Variants in MMP15 observed in about 807,000 individuals in gnomAD.
The protein encoded by MMP15 is matrix metalloproteinase-15.
Under a neutral mutation model 65.0 loss-of-function variants are expected in MMP15, and 36 were observed. The observed-to-expected ratio is 0.55, with a 90% confidence interval of 0.42 to 0.73. The LOEUF is 0.73. MMP15 is among the 30% of genes least tolerant of loss of function. MMP15 has a pLI of 0.00. For missense variants in MMP15, 870 were observed against 987.8 expected (o/e 0.88, Z 1.60); for synonymous variants, 428 against 410.2 (o/e 1.04, Z -0.52).
intron 1 of MMP15, among the ~76,000 whole-genome samples, chr16:58,030,118 G>T (rs41388149): frequency 2.7e-3 from 406 of 152,276 alleles, no homozygotes; most frequent in African/African-American, 9.3e-3. Context: ...CCCTGTCTTG[G>T]ACACTCCAGC....
intron 1 of MMP15, among the ~76,000 whole-genome samples, chr16:58,031,815 G>A (rs1211344859): frequency 7.0e-6 from 1 of 142,162 alleles, no homozygotes; most frequent in African/African-American, 2.6e-5. Flanking sequence ...TCTAAAGGTA[G>A]TGAGCAATCC....
chr16:58,042,457 T>G, intron 7 of MMP15, 88 bp downstream of exon 7: 2 of 1,517,732 alleles, frequency 1.3e-6, no homozygotes, highest in Non-Finnish European at 1.8e-6. Flanking sequence ...AGGTGAAGGG[T>G]TGCATTGCAT....
chr16:58,036,136 C>G (rs1273012532), intron 1 of MMP15, among the ~76,000 whole-genome samples: 1 of 152,224 alleles, frequency 6.6e-6, no homozygotes, highest in African/African-American at 2.4e-5. Flanking sequence ...TTAAGGGCTT[C>G]TCACTCTGGA....
In MMP15 at chr16:58,026,428, G is replaced by C. The variant is rs527752255; in HGVS notation, c.78G>C (p.Arg26=). The change falls in exon 1 of 10, where the codon CGG becomes CGC. Residue 26 remains arginine, a synonymous_variant. Transcript: ENST00000219271. The part of the protein sequence containing the change: ...SLLGDREEAA[R]PRLLPLLLVL... ...TCGGCGACCGGGAGGAGGCGGCGCG[G>C]CCGCGACTGCTGCCGCTGCTCCTGG... 2.8e-5 allele frequency: 41 copies of C among 1,447,942 alleles called. No individual in the cohort carries two copies. In the African/African-American group the frequency reaches 5.3e-4, roughly 19 times the overall value. The allele number at this position is 1,447,942 out of a possible 1,614,324, so 89.7% of individuals were successfully genotyped here.
In MMP15 at chr16:58,043,634, G is replaced by A. The variant is rs1316692838; in HGVS notation, c.1570+7G>A. ...TTCCTGAGCAATGACGCAGGTACCTGGCCAGCCCCTCCCAGTTTGCCCAGC... is the reference window on the plus strand; with the variant it reads ...TTCCTGAGCAATGACGCAGGTACCTAGCCAGCCCCTCCCAGTTTGCCCAGC... On this transcript the variant is annotated splice_region_variant and intron_variant, in intron 9 of 9. Coordinates refer to ENST00000219271, the MANE Select transcript of MMP15 (RefSeq NM_002428.4). 4 of 1,597,868 alleles carry A rather than the reference G, an allele frequency of 2.5e-6. No homozygotes were observed. In the South Asian group the frequency reaches 4.5e-5, roughly 18 times the overall value.
chr16:58,040,071 G>T lies in MMP15; in HGVS notation c.637G>T (p.Asp213Tyr), dbSNP rs1384594176. 1 of 1,614,150 alleles carries T rather than the reference G, an allele frequency of 6.2e-7. No homozygotes were observed. The change falls in exon 4 of 10, where the codon GAT becomes TAT. Residue 213 changes from aspartate (D) to tyrosine (Y), a missense_variant. Transcript: ENST00000219271. ...SGFHGDSSPFDGTGGFLAHAY... is the reference protein window; with the variant it reads ...SGFHGDSSPFYGTGGFLAHAY... ...CTTCCACGGCGACAGCTCGCCGTTT[G>T]ATGGCACCGGTGGCTTTCTGGCCCA...
chr16:58,038,467 C>T (rs1416780171), intron 3 of MMP15, 73 bp downstream of exon 3: 6 of 1,588,496 alleles, frequency 3.8e-6, no homozygotes, highest in African/African-American at 2.7e-5. Context: ...TTCCCAGAGC[C>T]CACCTCGGCG....
At chr16:58,034,196 A>G (rs1465241462) in intron 1 of MMP15, among the ~76,000 whole-genome samples, 1 of 152,200 alleles carries the variant, frequency 6.6e-6, no homozygotes, top group African/African-American at 2.4e-5. Flanking sequence ...TGTATTAGGG[A>G]CAGTTTTTAC....
intron 4 of MMP15, 117 bp from the exon 5 acceptor site, chr16:58,040,420 C>T (rs980824063): frequency 1.3e-5 from 17 of 1,330,766 alleles, no homozygotes; most frequent in Admixed American, 2.2e-5. Flanking sequence ...AGCTCAGCCT[C>T]TTCCAAGAGG....
rs757870060 is a variant in MMP15, at chr16:58,041,792, C to T, written c.1086C>T (p.Pro362=). The change falls in exon 6 of 10, where the codon CCC becomes CCT. Residue 362 remains proline (P), a synonymous_variant. Coordinates refer to ENST00000219271, the MANE Select transcript of MMP15 (RefSeq NM_002428.4). ...PPVQPRATER[P]DQYGPNICDG... Reference sequence around the variant, plus strand: ...TCCAGCCCCGAGCCACAGAGCGGCCCGACCAGTATGGCCCCAACATCTGCG... The same window carrying T: ...TCCAGCCCCGAGCCACAGAGCGGCCTGACCAGTATGGCCCCAACATCTGCG... 5.0e-6 allele frequency: 8 copies of T among 1,612,118 alleles called. No individual in the cohort carries two copies. In the East Asian group the frequency reaches 6.7e-5, roughly 13 times the overall value.
rs763603286 is a variant in MMP15 at position 58,039,922 on chromosome 16, C to T, written c.488C>T (p.Ala163Val). 6 of 1,610,490 alleles carry T rather than the reference C, an allele frequency of 3.7e-6. No individual in the cohort carries two copies. Among genetic ancestry groups the T allele is most frequent in the Admixed American group, 1.7e-5 (1 of 59,986 alleles). Residue 163 changes from alanine (A) to valine (V), a missense_variant, in exon 4 of 10, where the codon GCG (alanine) becomes GTG (valine). Coordinates refer to ENST00000219271, the MANE Select transcript of MMP15 (RefSeq NM_002428.4). ...EKLGWYHSME[A>V]VRRAFRVWEQ... Reference sequence around the variant, plus strand: ...TTGGGCTGGTACCACTCGATGGAGGCGGTGCGCAGGGCCTTCCGCGTGTGG... The same window carrying T: ...TTGGGCTGGTACCACTCGATGGAGGTGGTGCGCAGGGCCTTCCGCGTGTGG...
In MMP15 at chr16:58,026,210, C is replaced by T. The variant is rs981444459; in HGVS notation, c.-141C>T. ...CGGGCTTGGGAATTTGCCGAGGCGA[C>T]CTAGGCGGCTCCGGCGGGGACCGGG... On this transcript the variant is annotated 5_prime_UTR_variant, in exon 1 of 10. Transcript: ENST00000219271. The T allele has an allele frequency of 2.0e-5, 19 of 963,112 alleles. No homozygotes were observed. Among genetic ancestry groups the T allele is most frequent in the African/African-American group, 1.7e-4 (10 of 58,814 alleles). The allele number at this position is 963,112 out of a possible 1,614,324, so 59.7% of individuals were successfully genotyped here. A position where few individuals can be genotyped will look rare whatever the true frequency, so the allele number is the denominator to read the frequency against.
At position 58,041,928 on chromosome 16, in the gene MMP15, C is replaced by G. The variant is rs1006520146; in HGVS notation, c.1164+58C>G. 41 of 1,509,744 alleles carry G rather than the reference C, an allele frequency of 2.7e-5. No homozygotes were observed. In the Middle Eastern group the frequency reaches 5.7e-4, roughly 21 times the overall value. 93.5% of individuals were successfully genotyped at this position (1,509,744 alleles called of 1,614,324 possible). ...CCTTTTCCCTGGCTGCTCTGGGCCC[C>G]CTGTCCCACCCTCACTCAGCAGGCC... On this transcript the variant is annotated intron_variant, in intron 6 of 9. Transcript: ENST00000219271.
chr16:58,045,773 CA>C lies in MMP15; in HGVS notation c.*328del. The C allele has an allele frequency of 2.9e-6, 1 of 340,208 alleles. No homozygotes were observed. The highest frequency in any genetic ancestry group is 5.3e-6 in the Non-Finnish European group (1 of 187,224). The allele number at this position is 340,208 out of a possible 1,614,324, so 21.1% of individuals were successfully genotyped here. A position where few individuals can be genotyped will look rare whatever the true frequency, so the allele number is the denominator to read the frequency against. On this transcript the variant is annotated 3_prime_UTR_variant, in exon 10 of 10. Coordinates refer to ENST00000219271, the MANE Select transcript of MMP15 (RefSeq NM_002428.4). ...GCAGAGGCCCACATTGGAAGAGCAGCACCTCCTCAGCCTGAACCCCAGGGCT... is the reference window on the plus strand; with the variant it reads ...GCAGAGGCCCACATTGGAAGAGCAGCCCTCCTCAGCCTGAACCCCAGGGCT...
rs748710555 is a variant in MMP15, at chr16:58,038,253, G to A, written c.312-13G>A. On this transcript the variant is annotated splice_polypyrimidine_tract_variant and intron_variant, in intron 2 of 9. Transcript: ENST00000219271. ...GGAGGCTCCGTGCTCACCCCTCTGT[G>A]TCCATGTCCCAGGTGGATGAAGCGG... 2 of 1,613,476 alleles carry A rather than the reference G, an allele frequency of 1.2e-6. No individual in the cohort carries two copies. Among genetic ancestry groups the A allele is most frequent in the Non-Finnish European group, 1.7e-6 (2 of 1,179,830 alleles).
intron 1 of MMP15, among the ~76,000 whole-genome samples, chr16:58,034,492 T>C (rs1959292209): frequency 6.6e-6 from 1 of 152,088 alleles, no homozygotes; most frequent in Non-Finnish European, 1.5e-5. Context: ...CTATGGGTGG[T>C]ATTGCTGCCA....
rs1037191701 is a variant in MMP15, at chr16:58,029,310, G to C, written c.162+2798G>C. ...GCACTTCCATGCTGGCTCCGGGGGGGCCCCACTGGTCCCCTCTTTCTTTTA... is the reference window on the plus strand; with the variant it reads ...GCACTTCCATGCTGGCTCCGGGGGGCCCCCACTGGTCCCCTCTTTCTTTTA... On this transcript the variant is annotated intron_variant, in intron 1 of 9. Coordinates refer to ENST00000219271, the MANE Select transcript of MMP15 (RefSeq NM_002428.4). 2.6e-5 allele frequency among the ~76,000 whole-genome samples: 4 copies of C among 152,180 alleles called. No individual in the cohort carries two copies. In the East Asian group the frequency reaches 7.7e-4, roughly 29 times the overall value.
Position 58,041,671 on chromosome 16 carries a change from G to T in MMP15, c.965G>T (p.Arg322Leu). 1 of 1,580,420 alleles carries T rather than the reference G, an allele frequency of 6.3e-7. No individual in the cohort carries two copies. The highest frequency in any genetic ancestry group is 8.6e-7 in the Non-Finnish European group (1 of 1,163,558). ...PTQPLPTVTPRRPGRPDHRPP... is the reference protein window; with the variant it reads ...PTQPLPTVTPLRPGRPDHRPP... ...CAGCCTCTCCCCACTGTGACGCCAC[G>T]GCGGCCAGGCCGGCCTGACCACCGG... Residue 322 changes from arginine to leucine, a missense_variant, in exon 6 of 10, where the codon CGG (arginine) becomes CTG (leucine). Coordinates refer to ENST00000219271, the MANE Select transcript of MMP15 (RefSeq NM_002428.4).
At chr16:58,037,274 G>A (rs41457046) in intron 1 of MMP15, among the ~76,000 whole-genome samples, 198 bp from the exon 2 acceptor site, 15,608 of 152,240 alleles carry the variant, frequency 0.1, 2,666 homozygotes, top group African/African-American at 0.36. Context: ...ACCTGACCTG[G>A]CCTTTGTTCT....
Sources: gnomAD v4.1 joint callset for allele counts (sites outside exome capture counted in the v4.1 genomes callset) on GRCh38, gnomAD v4.1.1 for gene constraint, MANE v1.5 for transcripts, NCBI Gene and HGNC (gene_info 2026-07-23, HGNC 2026-07-21) for gene names.